Variants in NDUFAF6 observed in about 807,000 individuals in gnomAD.
NDUFAF6 encodes the protein NADH dehydrogenase (ubiquinone) complex I, assembly factor 6.
A neutral mutation model predicts 40.8 loss-of-function variants in NDUFAF6; 45 were observed. That is an observed-to-expected ratio of 1.10 (90% CI 0.87 to 1.42). The LOEUF is 1.42. NDUFAF6 is among the 40% of genes most tolerant of loss of function. NDUFAF6 has a pLI of 0.00. For missense variants in NDUFAF6, 435 were observed against 418.5 expected (o/e 1.04, Z -0.34); for synonymous variants, 185 against 155.9 (o/e 1.19, Z -1.39).
upstream of NDUFAF6, among the ~76,000 whole-genome samples, chr8:95,096,758 C>T (rs1809476449): frequency 6.6e-6 from 1 of 152,202 alleles, no homozygotes; most frequent in African/African-American, 2.4e-5. Context: ...ATTCTCTCAG[C>T]CCTTAGTCCA....
At chr8:95,080,298 TGTAGTGATTTTTTG>T (rs1808787621), downstream of NDUFAF6, among the ~76,000 whole-genome samples, 1 of 151,902 alleles carries the variant, frequency 6.6e-6, no homozygotes, top group African/African-American at 2.4e-5. Context: ...GTGTATTTTT[TGTAGTGATTTTTTG>T]GTAGTGTATT....
chr8:95,115,342 C>T (rs1240160537), intron 4 of NDUFAF6, among the ~76,000 whole-genome samples: 1 of 152,182 alleles, frequency 6.6e-6, no homozygotes, highest in African/African-American at 2.4e-5. Context: ...CTGCAAGCCA[C>T]ATGTTCCACT....
intron 2 of NDUFAF6, among the ~76,000 whole-genome samples, chr8:95,005,554 A>AT (rs1554657858): frequency 0.11 from 13,185 of 115,090 alleles, 1,314 homozygotes; most frequent in African/African-American, 0.18. Context: ...TATATATATA[A>AT]AAAATATATT....
chr8:95,006,538 T>C lies in NDUFAF6; in HGVS notation c.-83-25457T>C, dbSNP rs965994854. ...TTGAACATTTACAGCTTTACAGACA[T>C]GCTATTGTTATAAGTTTACCAAGGC... On this transcript the variant is annotated intron_variant, in intron 2 of 9. Transcript: ENST00000396111. 4.6e-5 allele frequency among the ~76,000 whole-genome samples: 7 copies of C among 152,218 alleles called. No homozygotes were observed. In the South Asian group the frequency reaches 1.5e-3, roughly 32 times the overall value.
chr8:94,981,705 C>T (rs1432243362), intron 2 of NDUFAF6, among the ~76,000 whole-genome samples: 1 of 152,146 alleles, frequency 6.6e-6, no homozygotes. Context: ...TAAAAGAGAA[C>T]TAGACAGAGA....
intron 8 of NDUFAF6, among the ~76,000 whole-genome samples, chr8:95,056,008 T>A (rs1832074398): frequency 6.6e-6 from 1 of 152,210 alleles, no homozygotes; most frequent in African/African-American, 2.4e-5. Context: ...TTTCATCATT[T>A]TATATATTCC....
downstream of NDUFAF6, among the ~76,000 whole-genome samples, chr8:95,076,483 G>A (rs1833019229): frequency 6.6e-6 from 1 of 152,178 alleles, no homozygotes; most frequent in African/African-American, 2.4e-5. Context: ...GCCCTGAACT[G>A]TCCCTCTTGC....
chr8:95,045,469 G>T, intron 4 of NDUFAF6, 76 bp from the exon 5 acceptor site: 2 of 977,918 alleles, frequency 2.0e-6, no homozygotes, highest in South Asian at 1.3e-5. Flanking sequence ...TCAGTTCTTT[G>T]GGGCAAAAAA....
intron 2 of NDUFAF6, among the ~76,000 whole-genome samples, chr8:95,035,198 A>G (rs568808080): frequency 1.3e-5 from 2 of 152,234 alleles, no homozygotes; most frequent in South Asian, 4.1e-4. Flanking sequence ...CATTCTTAGT[A>G]GTGAGTGAGG....
upstream of NDUFAF6, among the ~76,000 whole-genome samples, chr8:94,957,103 CGGG>C (rs757989276): frequency 3.6e-4 from 55 of 151,998 alleles, no homozygotes; most frequent in Non-Finnish European, 3.1e-4. Context: ...ACCTGGGAGG[CGGG>C]GGTTGCAGTG....
At chr8:95,064,065 G>GTTTTTTTTTTTTT (rs1369326100) in intron 9 of NDUFAF6, among the ~76,000 whole-genome samples, 2 of 131,956 alleles carry the variant, frequency 1.5e-5, no homozygotes, top group Non-Finnish European at 3.2e-5. Flanking sequence ...TTTTTTTTTG[G>GTTTTTTTTTTTTT]ATTTTTACTA....
chr8:95,042,811 A>G (rs1830289898), intron 4 of NDUFAF6, among the ~76,000 whole-genome samples: 1 of 152,220 alleles, frequency 6.6e-6, no homozygotes. Context: ...ATGGAATAGA[A>G]ATGAGAGTCC....
chr8:94,965,608 A>G (rs73274771), intron 1 of NDUFAF6, among the ~76,000 whole-genome samples: 66 of 152,364 alleles, frequency 4.3e-4, no homozygotes, highest in African/African-American at 1.4e-3. Flanking sequence ...AGGAGTTGCA[A>G]TGGAGGTAGG....
chr8:95,026,048 G>C (rs1208356832), intron 1 of NDUFAF6, among the ~76,000 whole-genome samples: 1 of 152,124 alleles, frequency 6.6e-6, no homozygotes, highest in African/African-American at 2.4e-5. Context: ...AAAAGTACTT[G>C]AATGACTAAA....
At chr8:95,003,491 G>C (rs1197855564) in intron 2 of NDUFAF6, among the ~76,000 whole-genome samples, 1 of 152,188 alleles carries the variant, frequency 6.6e-6, no homozygotes, top group Non-Finnish European at 1.5e-5. Flanking sequence ...GGAGAATTTA[G>C]AGACAGGTCT....
chr8:94,899,876 C>G (rs1310117370), intron 1 of NDUFAF6, among the ~76,000 whole-genome samples: 2 of 152,150 alleles, frequency 1.3e-5, no homozygotes, highest in Non-Finnish European at 2.9e-5. Context: ...GATTAACAGT[C>G]AAACCCCAAA....
chr8:95,016,740 C>CA (rs772189685), intron 2 of NDUFAF6, among the ~76,000 whole-genome samples: 6 of 151,742 alleles, frequency 4.0e-5, no homozygotes, highest in Non-Finnish European at 7.4e-5. Flanking sequence ...GACTCCATCT[C>CA]AAAAAAACAA....
intron 1 of NDUFAF6, among the ~76,000 whole-genome samples, chr8:94,976,322 G>T (rs1824931524): frequency 6.6e-6 from 1 of 152,042 alleles, no homozygotes; most frequent in South Asian, 2.1e-4. Flanking sequence ...TAGCCAACGT[G>T]GTGAAACCCC....
intron 1 of NDUFAF6, among the ~76,000 whole-genome samples, chr8:94,915,638 A>G (rs1470427472): frequency 6.6e-6 from 1 of 152,304 alleles, no homozygotes; most frequent in East Asian, 1.9e-4. Flanking sequence ...TCTTTGAAAT[A>G]TCTCCAAACT....
Sources: gnomAD v4.1 joint callset for allele counts (sites outside exome capture counted in the v4.1 genomes callset) on GRCh38, gnomAD v4.1.1 for gene constraint, MANE v1.5 for transcripts, NCBI Gene and HGNC (gene_info 2026-07-23, HGNC 2026-07-21) for gene names.